STK32B: variants seen among roughly 807,000 people sequenced by gnomAD.
STK32B encodes serine/threonine-protein kinase 32B.
Under a neutral mutation model 52.6 loss-of-function variants are expected in STK32B, and 43 were observed. That is an observed-to-expected ratio of 0.82 (90% CI 0.64 to 1.05). The LOEUF is 1.05. Ranked by LOEUF, STK32B falls within the 50% of genes least tolerant of loss-of-function variation. STK32B has a pLI of 0.00. For synonymous variants in STK32B, 238 were observed against 204.3 expected (o/e 1.17, Z -1.41); for missense variants, 621 against 534.6 (o/e 1.16, Z -1.59).
chr4:5,122,844 C>T (rs1404992351), intron 1 of STK32B, among the ~76,000 whole-genome samples: 2 of 152,158 alleles, frequency 1.3e-5, no homozygotes, highest in Admixed American at 6.5e-5. Flanking sequence ...GATACTCTCC[C>T]TGGTTCTCTC....
At chr4:5,423,934 C>G (rs1353565772) in intron 6 of STK32B, among the ~76,000 whole-genome samples, 1 of 152,100 alleles carries the variant, frequency 6.6e-6, no homozygotes, top group African/African-American at 2.4e-5. Context: ...TTCCTGCCCT[C>G]CTGGGTGCAG....
At chr4:5,371,613 C>G (rs923061552) in intron 4 of STK32B, among the ~76,000 whole-genome samples, 1 of 152,198 alleles carries the variant, frequency 6.6e-6, no homozygotes, top group African/African-American at 2.4e-5. Context: ...AGGCTGGAAT[C>G]CAGCCCTGGC....
chr4:5,080,676 A>G (rs918329317), intron 1 of STK32B, among the ~76,000 whole-genome samples: 1 of 152,214 alleles, frequency 6.6e-6, no homozygotes, highest in African/African-American at 2.4e-5. Context: ...TAAAAATTGT[A>G]CATATTTAAG....
At chr4:5,303,372 A>G (rs1263066643) in intron 3 of STK32B, among the ~76,000 whole-genome samples, 1 of 152,164 alleles carries the variant, frequency 6.6e-6, no homozygotes, top group East Asian at 1.9e-4. Flanking sequence ...GATTATGGCC[A>G]TTCTTGTCAG....
intron 3 of STK32B, among the ~76,000 whole-genome samples, chr4:5,174,247 C>G (rs1560197786): frequency 1.3e-5 from 2 of 152,136 alleles, no homozygotes; most frequent in African/African-American, 2.4e-5. Context: ...GGTCTTGACT[C>G]TTTATCCAGT....
intron 6 of STK32B, among the ~76,000 whole-genome samples, chr4:5,446,090 C>G (rs1715391825): frequency 6.6e-6 from 1 of 152,250 alleles, no homozygotes; most frequent in African/African-American, 2.4e-5. Context: ...GGCATGTCTT[C>G]CCTTTCGCCA....
chr4:5,328,831 G>T (rs181820820), intron 3 of STK32B, among the ~76,000 whole-genome samples: 2 of 152,122 alleles, frequency 1.3e-5, no homozygotes, highest in Non-Finnish European at 2.9e-5. Context: ...GCTTCCCAGC[G>T]AGGCTGTATT....
At chr4:5,407,133 A>G (rs1737734225) in intron 5 of STK32B, among the ~76,000 whole-genome samples, 1 of 152,118 alleles carries the variant, frequency 6.6e-6, no homozygotes, top group Non-Finnish European at 1.5e-5. Context: ...GATGCCATAA[A>G]TCATCACTCT....
At chr4:5,330,118 C>T (rs1163818208) in intron 3 of STK32B, among the ~76,000 whole-genome samples, 1 of 152,186 alleles carries the variant, frequency 6.6e-6, no homozygotes, top group Non-Finnish European at 1.5e-5. Context: ...CACCAAGTCC[C>T]TTCTTCCCTC....
At chr4:5,212,704 G>C (rs1722975615) in intron 3 of STK32B, among the ~76,000 whole-genome samples, 2 of 152,198 alleles carry the variant, frequency 1.3e-5, no homozygotes, top group Non-Finnish European at 2.9e-5. Context: ...GGAAGTTGCT[G>C]TGTTGGTGAG....
chr4:5,330,917 A>C (rs931974035), intron 3 of STK32B, among the ~76,000 whole-genome samples: 3 of 152,204 alleles, frequency 2.0e-5, no homozygotes, highest in African/African-American at 7.2e-5. Flanking sequence ...AAACGGATGA[A>C]GAAACATGCT....
chr4:5,182,106 GTTCA>G (rs1032098134), intron 3 of STK32B, among the ~76,000 whole-genome samples: 8 of 152,142 alleles, frequency 5.3e-5, no homozygotes, highest in Non-Finnish European at 7.4e-5. Flanking sequence ...TACTTTCTTT[GTTCA>G]TTCATAAGAA....
intron 3 of STK32B, among the ~76,000 whole-genome samples, chr4:5,207,399 A>G (rs1167409533): frequency 6.6e-6 from 1 of 152,148 alleles, no homozygotes; most frequent in Non-Finnish European, 1.5e-5. Flanking sequence ...TAGTTTTATA[A>G]AAAGCAGTTC....
intron 6 of STK32B, chr4:5,432,478 G>A (rs1372170703): frequency 6.6e-6 from 1 of 152,154 alleles, no homozygotes; most frequent in Non-Finnish European, 1.5e-5. Flanking sequence ...GGGTAAGATG[G>A]GAAACAGGAA....
At chr4:5,278,521 T>C (rs1727988305) in intron 3 of STK32B, among the ~76,000 whole-genome samples, 2 of 152,052 alleles carry the variant, frequency 1.3e-5, no homozygotes, top group Non-Finnish European at 2.9e-5. Flanking sequence ...ACAACAAAAA[T>C]CTGTCCGTCA....
chr4:5,370,910 C>A (rs950492460), intron 4 of STK32B, among the ~76,000 whole-genome samples: 3 of 151,586 alleles, frequency 2.0e-5, no homozygotes, highest in Non-Finnish European at 4.4e-5. Context: ...GAGGTCGAGG[C>A]TACAGTAAGC....
At chr4:5,182,793 G>A (rs1026695970) in intron 3 of STK32B, among the ~76,000 whole-genome samples, 3 of 151,972 alleles carry the variant, frequency 2.0e-5, no homozygotes, top group Admixed American at 1.3e-4. Context: ...AGATGTGAAG[G>A]TCAAGATTAC....
At chr4:5,436,775 C>T in intron 6 of STK32B, 1 of 692,192 alleles carries the variant, frequency 1.4e-6, no homozygotes, top group African/African-American at 1.9e-5. Context: ...GACTTGACCT[C>T]AGGGGTACTA....
At chr4:5,049,524 G>A (rs1485036086), upstream of STK32B, among the ~76,000 whole-genome samples, 4 of 152,306 alleles carry the variant, frequency 2.6e-5, no homozygotes, top group East Asian at 7.7e-4. Flanking sequence ...TAAAGTCAAA[G>A]GGGTTCTCTG....
Sources: allele counts gnomAD v4.1 joint callset (sites outside exome capture counted in the v4.1 genomes callset), GRCh38; gene constraint gnomAD v4.1.1; transcripts MANE v1.5; gene names NCBI Gene and HGNC (gene_info 2026-07-23, HGNC 2026-07-21).